Variants in PCDH11X observed in about 807,000 individuals in gnomAD.
PCDH11X encodes protocadherin-11 X-linked.
In PCDH11X, 18 loss-of-function variants were observed where a neutral mutation model predicts 53.3. The observed-to-expected ratio is 0.34, with a 90% CI of 0.23 to 0.50. The LOEUF is 0.50. Ranked by LOEUF, PCDH11X falls within the 20% of genes least tolerant of loss-of-function variation. PCDH11X has a pLI of 0.98. For missense variants in PCDH11X, 570 were observed against 1,032.4 expected (o/e 0.55, Z 6.14); for synonymous variants, 279 against 393.3 (o/e 0.71, Z 3.44).
At chrX:92,000,765 C>G (rs2062496201) in intron 6 of PCDH11X, among the ~76,000 whole-genome samples, 1 of 92,866 alleles carries the variant, frequency 1.1e-5, no homozygotes, top group African/African-American at 3.9e-5. Context: ...TTCTTCTACT[C>G]TCTATCCCCA....
chrX:92,073,255 G>A (rs138040364), intron 6 of PCDH11X, among the ~76,000 whole-genome samples: 2,435 of 111,976 alleles, frequency 0.022, 60 homozygotes, highest in African/African-American at 0.075. Context: ...AGTTAAAGCC[G>A]TGTACTATGA....
intron 8 of PCDH11X, among the ~76,000 whole-genome samples, chrX:92,275,719 G>A (rs1026006705): frequency 5.8e-4 from 65 of 111,731 alleles, no homozygotes; most frequent in Non-Finnish European, 1.1e-3. Context: ...TGGGGGAATG[G>A]TAAGGAGAGT....
At chrX:92,610,783 G>A (rs1054419239) in intron 10 of PCDH11X, among the ~76,000 whole-genome samples, 3 of 110,681 alleles carry the variant, frequency 2.7e-5, no homozygotes, top group African/African-American at 9.8e-5. Context: ...ATGGTGATAG[G>A]TAGGGGTCCA....
chrX:91,878,548 C>T lies in PCDH11X; in HGVS notation c.2308C>T (p.Leu770=), dbSNP rs1359164674. The T allele has an allele frequency of 5.8e-6, 7 of 1,211,408 alleles. No homozygotes were observed. The highest frequency in any genetic ancestry group is 7.8e-6 in the Non-Finnish European group (7 of 895,427). ...TCTCTTCAGTGTTGTAATTGTCAAT[C>T]TGTTCGTGAATGAGTCGGTGACCAA... is the stretch of plus-strand genomic sequence containing the variant. ...DSLFSVVIVN[L]FVNESVTNAT... The change falls in exon 6 of 11, where the codon CTG becomes TTG. Residue 770 remains leucine, a synonymous_variant. Coordinates refer to ENST00000682573, the MANE Select transcript of PCDH11X (RefSeq NM_032968.5).
At chrX:92,500,413 T>C (rs2073940632) in intron 10 of PCDH11X, among the ~76,000 whole-genome samples, 1 of 110,883 alleles carries the variant, frequency 9.0e-6, no homozygotes, top group Admixed American at 9.7e-5. Context: ...ATATTTCCAG[T>C]TGGTTTTCTT....
intron 7 of PCDH11X, among the ~76,000 whole-genome samples, chrX:92,216,308 A>T (rs1265806098): frequency 9.1e-6 from 1 of 109,511 alleles, no homozygotes; most frequent in African/African-American, 3.3e-5. Flanking sequence ...CTTTGAAAAA[A>T]ATTTAGACGA....
At chrX:92,218,687 A>G (rs776750385) in intron 7 of PCDH11X, among the ~76,000 whole-genome samples, 1 of 111,672 alleles carries the variant, frequency 9.0e-6, no homozygotes, top group South Asian at 3.8e-4. Flanking sequence ...ATCCTCCCCA[A>G]CTCATTTTAT....
chrX:91,954,780 G>A (rs1239150406), intron 6 of PCDH11X, among the ~76,000 whole-genome samples: 2 of 110,316 alleles, frequency 1.8e-5, no homozygotes, highest in African/African-American at 3.3e-5. Context: ...GTCTGTTAAC[G>A]TCCTTTGCTT....
intron 4 of PCDH11X, 121 bp downstream of exon 4, chrX:91,811,416 T>A: frequency 1.7e-6 from 1 of 604,365 alleles, no homozygotes; most frequent in Non-Finnish European, 2.5e-6. Flanking sequence ...TTAAAAGATT[T>A]GTTTTGAGTT....
intron 10 of PCDH11X, among the ~76,000 whole-genome samples, chrX:92,502,619 G>T (rs1349864366): frequency 9.1e-6 from 1 of 110,068 alleles, no homozygotes; most frequent in Non-Finnish European, 1.9e-5. Flanking sequence ...AATGGAAAAA[G>T]GATTCCCTAT....
rs1268419116 is a variant in PCDH11X at position 92,425,007 on chromosome X, G to T, written c.3343+37074G>T. On this transcript the variant is annotated intron_variant, in intron 9 of 10. Transcript: ENST00000682573. Reference sequence around the variant, plus strand: ...TTGAGAAGCAGATGCTGGCTAACTGGTAGTGGTATCTGTGAGGGAAGTGTA... The same window carrying T: ...TTGAGAAGCAGATGCTGGCTAACTGTTAGTGGTATCTGTGAGGGAAGTGTA... 2.4e-4 allele frequency among the ~76,000 whole-genome samples: 23 copies of T among 97,123 alleles called. 3 individuals carry two copies. The highest frequency in any genetic ancestry group is 2.0e-3 in the Admixed American group (18 of 9,135). 84.3% of individuals were successfully genotyped at this position (97,123 alleles called of 115,157 possible). A position where few individuals can be genotyped will look rare whatever the true frequency, so the allele number is the denominator to read the frequency against.
chrX:92,160,147 GTTT>G (rs1213322118), intron 6 of PCDH11X, among the ~76,000 whole-genome samples: 4 of 96,343 alleles, frequency 4.2e-5, no homozygotes, highest in Non-Finnish European at 7.7e-5. Flanking sequence ...CTGGCCAGCT[GTTT>G]TTTTTCTTTT....
intron 8 of PCDH11X, among the ~76,000 whole-genome samples, chrX:92,343,645 G>C (rs1340504166): frequency 1.8e-5 from 2 of 111,249 alleles, no homozygotes; most frequent in Non-Finnish European, 3.8e-5. Context: ...AACTAGTTTT[G>C]AATTATCTAG....
chrX:92,160,925 T>C (rs1158397719), intron 6 of PCDH11X, among the ~76,000 whole-genome samples: 1 of 111,388 alleles, frequency 9.0e-6, no homozygotes, highest in African/African-American at 3.3e-5. Flanking sequence ...TGATCATTAG[T>C]GCTGTTGATC....
intron 7 of PCDH11X, among the ~76,000 whole-genome samples, chrX:92,240,992 A>G (rs375113305): frequency 1.8e-5 from 2 of 111,445 alleles, no homozygotes; most frequent in African/African-American, 3.3e-5. Flanking sequence ...GTAAATGACA[A>G]TATAGTTTGT....
In PCDH11X at chrX:91,881,412, T is replaced by C. The variant is rs1050070891; in HGVS notation, c.3033+2139T>C. ...AACTGAAAGGACTATCTTAGAATCA[T>C]TGAATTAGCAGATGACTTATTTATT... On this transcript the variant is annotated intron_variant, in intron 6 of 10. Coordinates refer to ENST00000682573, the MANE Select transcript of PCDH11X (RefSeq NM_032968.5). Among the ~76,000 whole-genome samples the C allele has an allele frequency of 2.7e-5, 3 of 111,315 alleles. No individual in the cohort carries two copies. The Admixed American group carries it at 2.9e-4, about 11-fold the overall frequency.
chrX:92,605,456 G>T (rs995277419), intron 10 of PCDH11X, among the ~76,000 whole-genome samples: 1 of 110,911 alleles, frequency 9.0e-6, no homozygotes, highest in Non-Finnish European at 1.9e-5. Flanking sequence ...TGTACTGGAG[G>T]TTTTACCACA....
intron 8 of PCDH11X, among the ~76,000 whole-genome samples, chrX:92,322,167 A>G (rs906459401): frequency 9.1e-6 from 1 of 110,120 alleles, no homozygotes; most frequent in African/African-American, 3.3e-5. Context: ...TACAAGAAAC[A>G]AAGAGTACTA....
intron 7 of PCDH11X, among the ~76,000 whole-genome samples, chrX:92,260,802 GGTAA>G (rs937300049): frequency 2.7e-5 from 3 of 111,420 alleles, no homozygotes; most frequent in Non-Finnish European, 5.6e-5. Context: ...ACCTGTTGGT[GGTAA>G]GTGTTAGAAT....
Sources: allele counts gnomAD v4.1 joint callset (sites outside exome capture counted in the v4.1 genomes callset), GRCh38; gene constraint gnomAD v4.1.1; transcripts MANE v1.5; gene names NCBI Gene and HGNC (gene_info 2026-07-23, HGNC 2026-07-21).